Variants in DYNC1I2 observed in about 807,000 individuals in gnomAD.
DYNC1I2 encodes the protein cytoplasmic dynein 1 intermediate chain 2.
DYNC1I2 carries 53 observed loss-of-function variants against 88.6 expected under a neutral mutation model. That is an observed-to-expected ratio of 0.60 (90% CI 0.48 to 0.75). DYNC1I2 has a LOEUF of 0.75. Ranked by LOEUF, DYNC1I2 falls within the 30% of genes least tolerant of loss-of-function variation. DYNC1I2 has a pLI of 0.00. For synonymous variants in DYNC1I2, 198 were observed against 254.6 expected (o/e 0.78, Z 2.12); for missense variants, 458 against 766.6 (o/e 0.60, Z 4.75).
intron 3 of DYNC1I2, 54 bp downstream of exon 3, chr2:171,692,948 TCAGAC>T: frequency 3.9e-6 from 5 of 1,278,210 alleles, no homozygotes; most frequent in Non-Finnish European, 5.6e-6. Flanking sequence ...TCTGTTCAGC[TCAGAC>T]ATAGCTGAGT....
intron 15 of DYNC1I2, among the ~76,000 whole-genome samples, chr2:171,736,466 A>G (rs1574624307): frequency 6.6e-6 from 1 of 152,250 alleles, no homozygotes; most frequent in African/African-American, 2.4e-5. Flanking sequence ...CCTGTAGACA[A>G]TCCACATGGG....
chr2:171,702,456 G>A (rs1418513132), intron 3 of DYNC1I2, among the ~76,000 whole-genome samples: 2 of 152,106 alleles, frequency 1.3e-5, no homozygotes, highest in Non-Finnish European at 2.9e-5. Context: ...TACGGATGAA[G>A]GCCATGGCTT....
At chr2:171,694,853 G>T (rs1250105699) in intron 3 of DYNC1I2, among the ~76,000 whole-genome samples, 1 of 152,030 alleles carries the variant, frequency 6.6e-6, no homozygotes, top group Non-Finnish European at 1.5e-5. Context: ...AAACCGTGAG[G>T]GATCCGCCTC....
At chr2:171,712,458 T>C (rs1687190444) in intron 5 of DYNC1I2, 1 of 241,466 alleles carries the variant, frequency 4.1e-6, no homozygotes, top group Non-Finnish European at 7.9e-6. Flanking sequence ...TGTCTGACTT[T>C]AGTTGTTCTA....
intron 15 of DYNC1I2, among the ~76,000 whole-genome samples, chr2:171,738,588 A>C (rs1689174431): frequency 6.6e-6 from 1 of 152,150 alleles, no homozygotes; most frequent in South Asian, 2.1e-4. Context: ...GGCCATAAGC[A>C]CTCATTTCTT....
At chr2:171,747,014 C>T (rs1209452506) in intron 17 of DYNC1I2, among the ~76,000 whole-genome samples, 1 of 151,370 alleles carries the variant, frequency 6.6e-6, no homozygotes, top group Non-Finnish European at 1.5e-5. Flanking sequence ...GCCAACATGG[C>T]AAAACCCCAT....
intron 15 of DYNC1I2, among the ~76,000 whole-genome samples, chr2:171,741,682 C>T (rs1292407943): frequency 6.6e-6 from 1 of 152,192 alleles, no homozygotes; most frequent in African/African-American, 2.4e-5. Flanking sequence ...TGATGTAGCT[C>T]AGTTTACCTA....
chr2:171,710,467 G>A (rs1264859817), intron 5 of DYNC1I2, among the ~76,000 whole-genome samples: 1 of 151,650 alleles, frequency 6.6e-6, no homozygotes, highest in Non-Finnish European at 1.5e-5. Flanking sequence ...ATACACTCAG[G>A]GAGTAGGAAT....
intron 7 of DYNC1I2, among the ~76,000 whole-genome samples, chr2:171,720,671 C>T (rs1004918368): frequency 6.6e-6 from 1 of 152,096 alleles, no homozygotes; most frequent in Non-Finnish European, 1.5e-5. Context: ...GCAGAGGTTG[C>T]ATTGAGCCAC....
chr2:171,718,803 A>C (rs1454341781), intron 7 of DYNC1I2, among the ~76,000 whole-genome samples: 1 of 152,214 alleles, frequency 6.6e-6, no homozygotes, highest in Non-Finnish European at 1.5e-5. Context: ...CTTATCAGGC[A>C]TAGTGTGAGA....
intron 3 of DYNC1I2, 63 bp from the exon 4 acceptor site, chr2:171,706,484 A>T (rs754948376): frequency 1.1e-4 from 157 of 1,426,032 alleles, no homozygotes; most frequent in Non-Finnish European, 1.4e-4. Flanking sequence ...AAAAATGTGT[A>T]TTTTTCTATA....
In DYNC1I2 at chr2:171,745,336, G is replaced by A. The variant is rs140561636; in HGVS notation, c.1678-466G>A. Among the ~76,000 whole-genome samples the A allele has an allele frequency of 1.5e-4, 23 of 152,270 alleles. 1 individual carries two copies. The highest frequency in any genetic ancestry group is 5.3e-4 in the African/African-American group (22 of 41,560). On this transcript the variant is annotated intron_variant, in intron 16 of 17. Transcript: ENST00000397119. ...TCATACTGCACCTTCAGTATGAACCGTTTCTAGGAACACTGAGTCAAATAC... is the reference window on the plus strand; with the variant it reads ...TCATACTGCACCTTCAGTATGAACCATTTCTAGGAACACTGAGTCAAATAC...
Position 171,715,448 on chromosome 2 carries a change from A to G in DYNC1I2, c.511+5A>G. 1.3e-6 allele frequency: 2 copies of G among 1,520,752 alleles called. No homozygotes were observed. Among genetic ancestry groups the G allele is most frequent in the South Asian group, 1.2e-5 (1 of 83,670 alleles). 94.2% of individuals were successfully genotyped at this position (1,520,752 alleles called of 1,614,324 possible). ...TTATGGCTCAACCCAAAGAAGGTGA[A>G]TATCTATCCTTAGTATAATTGTCAT... On this transcript the variant is annotated splice_donor_5th_base_variant and intron_variant, in intron 7 of 17. Transcript: ENST00000397119.
chr2:171,733,814 G>A (rs1574617349), intron 15 of DYNC1I2, among the ~76,000 whole-genome samples: 1 of 150,516 alleles, frequency 6.6e-6, no homozygotes, highest in Non-Finnish European at 1.5e-5. Context: ...GATCCCATTC[G>A]TCAAATTTTG....
At chr2:171,711,298 T>C (rs2105573915) in intron 5 of DYNC1I2, among the ~76,000 whole-genome samples, 1 of 152,224 alleles carries the variant, frequency 6.6e-6, no homozygotes, top group Admixed American at 6.5e-5. Context: ...CCACCGTGCC[T>C]GGCCCATTTT....
intron 5 of DYNC1I2, among the ~76,000 whole-genome samples, chr2:171,711,132 C>T (rs1252822935): frequency 6.6e-6 from 1 of 150,644 alleles, no homozygotes; most frequent in Non-Finnish European, 1.5e-5. Flanking sequence ...GGTTTTTTGT[C>T]CTTGTGATAG....
intron 4 of DYNC1I2, chr2:171,707,048 T>C (rs1277171559): frequency 1.7e-6 from 1 of 604,636 alleles, no homozygotes; most frequent in East Asian, 2.9e-5. Flanking sequence ...TTAAAAAAAT[T>C]ATAAAGCTCA....
intron 1 of DYNC1I2, among the ~76,000 whole-genome samples, chr2:171,689,882 C>CTTTTTT (rs10716223): frequency 3.1e-4 from 17 of 54,150 alleles, no homozygotes; most frequent in East Asian, 5.3e-4. Flanking sequence ...TTTTTCTTGC[C>CTTTTTT]TTTTTTTTTT....
intron 7 of DYNC1I2, among the ~76,000 whole-genome samples, chr2:171,717,547 T>C (rs1261201634): frequency 6.6e-6 from 1 of 152,194 alleles, no homozygotes; most frequent in East Asian, 1.9e-4. Flanking sequence ...AACACACTGA[T>C]GGTAAACTTG....
Sources: gnomAD v4.1 joint callset for allele counts (sites outside exome capture counted in the v4.1 genomes callset) on GRCh38, gnomAD v4.1.1 for gene constraint, MANE v1.5 for transcripts, NCBI Gene and HGNC (gene_info 2026-07-23, HGNC 2026-07-21) for gene names.